The following CCDC85A variants were observed in gnomAD, a reference collection of about 807,000 sequenced individuals.
CCDC85A encodes the protein coiled-coil domain-containing protein 85A.
Under a neutral mutation model 50.2 loss-of-function variants are expected in CCDC85A, and 38 were observed. That is an observed-to-expected ratio of 0.76 (90% confidence interval 0.58 to 0.99). CCDC85A has a LOEUF of 0.99. Among genes scored for constraint, CCDC85A ranks in the 50% least tolerant of loss-of-function variants. The probability of loss-of-function intolerance (pLI) is 0.00; values close to 1 mark genes in which losing one functional copy is unlikely to be tolerated. For missense variants in CCDC85A, 820 were observed against 742.0 expected (o/e 1.11, Z -1.22); for synonymous variants, 366 against 301.4 (o/e 1.21, Z -2.22).
At position 56,282,646 on chromosome 2, in the gene CCDC85A, A is replaced by T. The variant is rs565248011; in HGVS notation, c.1241-60233A>T. 1.6e-4 allele frequency among the ~76,000 whole-genome samples: 25 copies of T among 152,302 alleles called. 1 individual carries two copies. In the South Asian group the frequency reaches 4.6e-3, roughly 28 times the overall value. ...TGCCTCAGCCTCCCAGGTAGCTGGG[A>T]TTACAGGCATGCGGCACCATGCTTA... is the stretch of plus-strand genomic sequence containing the variant. On this transcript the variant is annotated intron_variant, in intron 2 of 5. Transcript: ENST00000407595.
At chr2:56,350,226 G>C (rs1674847624) in intron 3 of CCDC85A, among the ~76,000 whole-genome samples, 1 of 150,554 alleles carries the variant, frequency 6.6e-6, no homozygotes, top group Non-Finnish European at 1.5e-5. Context: ...GAGTGCAGTG[G>C]CACTACCTTG....
chr2:56,301,962 A>C (rs1672225545), intron 2 of CCDC85A, among the ~76,000 whole-genome samples: 1 of 152,334 alleles, frequency 6.6e-6, no homozygotes, highest in East Asian at 1.9e-4. Flanking sequence ...GTAATTAAAA[A>C]AATCATAAAT....
intron 2 of CCDC85A, among the ~76,000 whole-genome samples, chr2:56,203,568 T>C (rs904197372): frequency 3.3e-5 from 5 of 152,098 alleles, no homozygotes; most frequent in African/African-American, 1.2e-4. Flanking sequence ...TTTGCCAGAG[T>C]CTGCACAGCC....
At chr2:56,322,284 T>C (rs1673240975) in intron 2 of CCDC85A, among the ~76,000 whole-genome samples, 1 of 152,282 alleles carries the variant, frequency 6.6e-6, no homozygotes, top group African/African-American at 2.4e-5. Flanking sequence ...AAAGCCCAAA[T>C]TGACAAATGG....
At chr2:56,321,037 A>T (rs1460835845) in intron 2 of CCDC85A, among the ~76,000 whole-genome samples, 2 of 152,130 alleles carry the variant, frequency 1.3e-5, no homozygotes, top group Non-Finnish European at 2.9e-5. Flanking sequence ...CAAAGACAAA[A>T]ACCACATGAT....
chr2:56,361,490 A>G (rs557560549), intron 3 of CCDC85A, among the ~76,000 whole-genome samples: 1 of 152,238 alleles, frequency 6.6e-6, no homozygotes, highest in Non-Finnish European at 1.5e-5. Flanking sequence ...TACATTACCC[A>G]AAAGAGGTAA....
At chr2:56,361,250 T>C (rs1261587370) in intron 3 of CCDC85A, among the ~76,000 whole-genome samples, 2 of 112,292 alleles carry the variant, frequency 1.8e-5, no homozygotes, top group Admixed American at 9.1e-5. Flanking sequence ...CAAGACTCCG[T>C]CTCAAAAAGA....
chr2:56,188,435 C>T (rs1008681382), intron 1 of CCDC85A, among the ~76,000 whole-genome samples: 4 of 152,288 alleles, frequency 2.6e-5, no homozygotes, highest in East Asian at 1.9e-4. Flanking sequence ...GCATTAGCTC[C>T]GTGAAGCCGA....
chr2:56,199,238 A>G (rs753525871), intron 2 of CCDC85A, among the ~76,000 whole-genome samples: 15 of 152,252 alleles, frequency 9.9e-5, no homozygotes, highest in Non-Finnish European at 1.8e-4. Context: ...GCATAAGTAC[A>G]TGAATAAATG....
intron 5 of CCDC85A, among the ~76,000 whole-genome samples, chr2:56,381,675 C>A (rs1296376745): frequency 6.6e-6 from 1 of 152,068 alleles, no homozygotes; most frequent in African/African-American, 2.4e-5. Flanking sequence ...AGCACCCTAT[C>A]TTACAGAGGG....
intron 2 of CCDC85A, among the ~76,000 whole-genome samples, chr2:56,234,453 C>G (rs78392827): frequency 6.6e-6 from 1 of 152,082 alleles, no homozygotes; most frequent in Non-Finnish European, 1.5e-5. Context: ...CATTTCTCAG[C>G]AGCTGCTCTT....
intron 2 of CCDC85A, among the ~76,000 whole-genome samples, chr2:56,330,349 G>A (rs1460729405): frequency 6.6e-6 from 1 of 152,128 alleles, no homozygotes; most frequent in African/African-American, 2.4e-5. Flanking sequence ...CAATTTTAGG[G>A]CATAAAGAAG....
chr2:56,247,691 A>G (rs1669573698), intron 2 of CCDC85A, among the ~76,000 whole-genome samples: 1 of 152,232 alleles, frequency 6.6e-6, no homozygotes, highest in South Asian at 2.1e-4. Context: ...TAGGCCATGA[A>G]AAAACATAAA....
At chr2:56,284,550 T>A (rs1573173361) in intron 2 of CCDC85A, among the ~76,000 whole-genome samples, 1 of 152,102 alleles carries the variant, frequency 6.6e-6, no homozygotes, top group East Asian at 1.9e-4. Flanking sequence ...TTTTTCTATT[T>A]TTAGTAGAGA....
chr2:56,362,871 C>T (rs1290351337), intron 3 of CCDC85A, among the ~76,000 whole-genome samples: 2 of 152,030 alleles, frequency 1.3e-5, no homozygotes, highest in African/African-American at 4.8e-5. Context: ...TGATCTGTCC[C>T]CTTGACCTCC....
intron 2 of CCDC85A, among the ~76,000 whole-genome samples, chr2:56,336,197 C>A (rs1365256872): frequency 1.3e-5 from 2 of 152,064 alleles, no homozygotes; most frequent in East Asian, 3.9e-4. Context: ...CTTGTCCCCC[C>A]AGGCTGGAGT....
intron 3 of CCDC85A, among the ~76,000 whole-genome samples, chr2:56,346,425 G>A (rs946043881): frequency 3.3e-5 from 5 of 152,140 alleles, no homozygotes; most frequent in Non-Finnish European, 7.3e-5. Flanking sequence ...CACAGATAAA[G>A]GCAGTGAAGA....
intron 2 of CCDC85A, among the ~76,000 whole-genome samples, chr2:56,242,549 G>A (rs1275259312): frequency 6.6e-6 from 1 of 152,132 alleles, no homozygotes; most frequent in Non-Finnish European, 1.5e-5. Context: ...CTAAGGGAAT[G>A]GCCTAAGCAA....
At chr2:56,261,538 CT>C (rs113442986) in intron 2 of CCDC85A, among the ~76,000 whole-genome samples, 6,299 of 152,320 alleles carry the variant, frequency 0.041, 220 homozygotes, top group Admixed American at 0.12. Context: ...CTTCATCTTA[CT>C]TACTTCCATT....
Sources: gnomAD v4.1 joint callset for allele counts (sites outside exome capture counted in the v4.1 genomes callset) on GRCh38, gnomAD v4.1.1 for gene constraint, MANE v1.5 for transcripts, NCBI Gene and HGNC (gene_info 2026-07-23, HGNC 2026-07-21) for gene names.